The following PHLPP2 variants were observed in gnomAD, a reference collection of about 807,000 sequenced individuals.
PHLPP2 encodes the protein PH domain leucine-rich repeat-containing protein phosphatase 2.
A neutral mutation model predicts 124.9 loss-of-function variants in PHLPP2; 66 were observed. That is an observed-to-expected ratio of 0.53 (90% CI 0.43 to 0.65). The LOEUF is 0.65. PHLPP2 is among the 30% of genes least tolerant of loss of function. The probability of loss-of-function intolerance (pLI) is 0.00; values close to 1 mark genes in which losing one functional copy is unlikely to be tolerated. For synonymous variants in PHLPP2, 681 were observed against 624.7 expected, an observed-to-expected ratio of 1.09 and a Z score of -1.34; for missense variants, 1,685 against 1,600.4, an observed-to-expected ratio of 1.05 and a Z score of -0.90.
intron 3 of PHLPP2, among the ~76,000 whole-genome samples, chr16:71,697,038 G>A (rs1442858092): frequency 6.6e-6 from 1 of 152,036 alleles, no homozygotes; most frequent in Admixed American, 6.6e-5. Context: ...AGCTGTGGTG[G>A]TGGGTTCCTC....
chr16:71,686,384 G>T (rs1470542813), intron 4 of PHLPP2, among the ~76,000 whole-genome samples: 1 of 151,994 alleles, frequency 6.6e-6, no homozygotes, highest in Admixed American at 6.6e-5. Context: ...ATGTTGCCCA[G>T]GCTGGTCTTG....
At position 71,684,618 on chromosome 16, in the gene PHLPP2, G is replaced by C; in HGVS notation, c.610-17C>G. 6.3e-7 allele frequency: 1 copy of C among 1,593,138 alleles called. No homozygotes were observed. Among genetic ancestry groups the C allele is most frequent in the South Asian group, 1.1e-5 (1 of 88,710 alleles). On this transcript the variant is annotated splice_polypyrimidine_tract_variant and intron_variant, in intron 4 of 18. Transcript: ENST00000568954. ...TTCTTCTATCTGAAGAAGAGGAGGG[G>C]AGAAAACCAGAACCACTAAAAAAAA...
intron 4 of PHLPP2, among the ~76,000 whole-genome samples, chr16:71,685,974 T>TA: frequency 6.6e-6 from 1 of 152,262 alleles, no homozygotes; most frequent in Non-Finnish European, 1.5e-5. Context: ...CTTTTTGTAT[T>TA]AAAGTCCTTT....
chr16:71,697,832 G>A (rs1219596094), intron 3 of PHLPP2, among the ~76,000 whole-genome samples: 2 of 147,478 alleles, frequency 1.4e-5, no homozygotes, highest in African/African-American at 5.0e-5. Flanking sequence ...TTTTTTTAAG[G>A]TGAACAGGAA....
Position 71,667,343 on chromosome 16 carries a change from G to A in PHLPP2, c.1629-10C>T, listed in dbSNP as rs1324305508. Reference sequence around the variant, plus strand: ...CAAGCTACTCAGAATTCTAAGGGGGGAGCATACAAACAAACACATTAAAAA... The same window carrying A: ...CAAGCTACTCAGAATTCTAAGGGGGAAGCATACAAACAAACACATTAAAAA... On this transcript the variant is annotated splice_polypyrimidine_tract_variant and intron_variant, in intron 11 of 18. Transcript: ENST00000568954. 1 of 1,606,068 alleles carries A rather than the reference G, an allele frequency of 6.2e-7. No individual in the cohort carries two copies. The highest frequency in any genetic ancestry group is 8.5e-7 in the Non-Finnish European group (1 of 1,173,946).
In PHLPP2 at chr16:71,644,995, A is replaced by G. The variant is rs747133258; in HGVS notation, c.*3895T>C. The G allele has an allele frequency of 2.4e-5, 7 of 294,804 alleles. No individual in the cohort carries two copies. The highest frequency in any genetic ancestry group is 4.6e-5 in the Non-Finnish European group (7 of 150,806). 18.3% of individuals were successfully genotyped at this position (294,804 alleles called of 1,614,324 possible). On this transcript the variant is annotated 3_prime_UTR_variant, in exon 19 of 19. Transcript: ENST00000568954. ...ATTGTTATTGTTATTTTTACAAACA[A>G]TAGATTTGCTGCAACATGCTCTGGC...
In PHLPP2 at chr16:71,649,281, G is replaced by C. The variant is rs1257705106; in HGVS notation, c.3581C>G (p.Ser1194Cys). ...PLIESSPTLC[S>C]EEHARGSCFG... ...ACACGACCCTCTAGCATGTTCCTCA[G>C]AACACAGGGTAGGAGAACTCTCTAT... Residue 1194 changes from serine to cysteine, a missense_variant, in exon 19 of 19, where the codon TCT (serine) becomes TGT (cysteine). Physicochemically the swap from Ser to Cys is moderately radical, Grantham distance 112. Transcript: ENST00000568954. 1.9e-6 allele frequency: 3 copies of C among 1,613,916 alleles called. No individual in the cohort carries two copies. The highest frequency in any genetic ancestry group is 3.3e-5 in the Admixed American group (2 of 59,996).
chr16:71,664,694 G>A (rs1049780034), intron 12 of PHLPP2, among the ~76,000 whole-genome samples: 1 of 152,176 alleles, frequency 6.6e-6, no homozygotes, highest in Non-Finnish European at 1.5e-5. Context: ...TGAGGTTGCA[G>A]TGAGCCGAGA....
In PHLPP2 at chr16:71,648,542, G is replaced by A. The variant is rs2044669042; in HGVS notation, c.*348C>T. The A allele has an allele frequency of 4.0e-6, 1 of 247,068 alleles. No individual in the cohort carries two copies. The highest frequency in any genetic ancestry group is 7.9e-6 in the Non-Finnish European group (1 of 126,620). The allele number at this position is 247,068 out of a possible 1,614,324, so 15.3% of individuals were successfully genotyped here. A position where few individuals can be genotyped will look rare whatever the true frequency, so the allele number is the denominator to read the frequency against. ...CACAGCACTTTGGGAGGCAGAGGAG[G>A]GTGGATCACCTGAGGTCAAGAGTTC... On this transcript the variant is annotated 3_prime_UTR_variant, in exon 19 of 19. Transcript: ENST00000568954.
chr16:71,662,057 C>T (rs1042448448), intron 13 of PHLPP2, among the ~76,000 whole-genome samples: 1 of 151,676 alleles, frequency 6.6e-6, no homozygotes, highest in East Asian at 2.0e-4. Context: ...TTCTTGACCT[C>T]GTGATCCGCC....
chr16:71,708,073 G>A (rs940057322), intron 2 of PHLPP2, among the ~76,000 whole-genome samples: 4 of 152,114 alleles, frequency 2.6e-5, no homozygotes, highest in East Asian at 1.9e-4. Flanking sequence ...TGTCCACGCC[G>A]CCCCTAATCC....
chr16:71,710,327 T>C (rs1273218600), intron 2 of PHLPP2, among the ~76,000 whole-genome samples: 1 of 152,172 alleles, frequency 6.6e-6, no homozygotes, highest in African/African-American at 2.4e-5. Flanking sequence ...CCTCAAGTGC[T>C]AAAATTCTAT....
intron 15 of PHLPP2, among the ~76,000 whole-genome samples, chr16:71,657,669 C>G (rs1169592467): frequency 6.6e-6 from 1 of 152,192 alleles, no homozygotes; most frequent in Admixed American, 6.5e-5. Context: ...GCTGGGATTA[C>G]AGGCGTGAGC....
chr16:71,687,427 A>G (rs2045064553), intron 4 of PHLPP2, among the ~76,000 whole-genome samples: 1 of 152,100 alleles, frequency 6.6e-6, no homozygotes, highest in Non-Finnish European at 1.5e-5. Context: ...TTCACCTTCA[A>G]CCTTCTAAGA....
In PHLPP2 at chr16:71,649,268, A is replaced by G. The variant is rs963693683; in HGVS notation, c.3594T>C (p.Ala1198=). 2.5e-6 allele frequency: 4 copies of G among 1,613,878 alleles called. No individual in the cohort carries two copies. Among genetic ancestry groups the G allele is most frequent in the South Asian group, 2.2e-5 (2 of 91,092 alleles). The change falls in exon 19 of 19, where the codon GCT becomes GCC. Residue 1198 remains alanine, a synonymous_variant. Coordinates refer to ENST00000568954, the MANE Select transcript of PHLPP2 (RefSeq NM_015020.3). ...TTCGGATCCCAAAACACGACCCTCT[A>G]GCATGTTCCTCAGAACACAGGGTAG... is the stretch of plus-strand genomic sequence containing the variant. ...SSPTLCSEEH[A]RGSCFGIRRQ...
chr16:71,651,322 G>C (rs908077082), intron 18 of PHLPP2, among the ~76,000 whole-genome samples: 1 of 147,540 alleles, frequency 6.8e-6, no homozygotes, highest in African/African-American at 2.5e-5. Flanking sequence ...TAGGCAATAA[G>C]AACGAAATTC....
At chr16:71,722,822 A>G (rs756554174) in intron 1 of PHLPP2, among the ~76,000 whole-genome samples, 1 of 151,810 alleles carries the variant, frequency 6.6e-6, no homozygotes, top group Non-Finnish European at 1.5e-5. Flanking sequence ...TTTCTCTGCA[A>G]CTCTTTCAAA....
chr16:71,657,834 A>C (rs2044755094), intron 15 of PHLPP2, among the ~76,000 whole-genome samples: 1 of 152,334 alleles, frequency 6.6e-6, no homozygotes, highest in Non-Finnish European at 1.5e-5. Flanking sequence ...AAGGGGTAGG[A>C]GTTTCAATAA....
intron 11 of PHLPP2, 124 bp from the exon 12 acceptor site, chr16:71,667,457 C>T (rs757191983): frequency 1.7e-4 from 126 of 724,404 alleles, no homozygotes; most frequent in Non-Finnish European, 2.6e-4. Flanking sequence ...AGATTGTATA[C>T]TCACTGACAA....
Sources: gnomAD v4.1 joint callset for allele counts (sites outside exome capture counted in the v4.1 genomes callset) on GRCh38, gnomAD v4.1.1 for gene constraint, MANE v1.5 for transcripts, NCBI Gene and HGNC (gene_info 2026-07-23, HGNC 2026-07-21) for gene names.